Variants in MCC observed in about 807,000 individuals in gnomAD.
MCC encodes colorectal mutant cancer protein.
In MCC, 90 loss-of-function variants were observed where a neutral mutation model predicts 116.2. The observed-to-expected ratio is 0.77, with a 90% confidence interval of 0.65 to 0.92. MCC has a LOEUF of 0.92. Ranked by LOEUF, MCC falls within the 40% of genes least tolerant of loss-of-function variation. The pLI, the probability that MCC is intolerant of heterozygous loss-of-function variation, is 0.00. For synonymous variants in MCC, 578 were observed against 510.5 expected (o/e 1.13, Z -1.78); for missense variants, 1,516 against 1,312.2 (o/e 1.16, Z -2.40).
intron 15 of MCC, among the ~76,000 whole-genome samples, chr5:113,051,664 T>C (rs572135162): frequency 1.3e-5 from 2 of 152,162 alleles, no homozygotes; most frequent in Non-Finnish European, 2.9e-5. Context: ...GGCGAGGCTA[T>C]AGTGAGCCAT....
At chr5:113,333,675 TTCA>T (rs937410857) in intron 3 of MCC, among the ~76,000 whole-genome samples, 3 of 149,696 alleles carry the variant, frequency 2.0e-5, no homozygotes, top group Non-Finnish European at 4.4e-5. Flanking sequence ...TGTTTACAGC[TTCA>T]TCATTTGAAA....
chr5:113,162,743 C>T (rs1760559754), intron 3 of MCC, among the ~76,000 whole-genome samples: 1 of 152,110 alleles, frequency 6.6e-6, no homozygotes, highest in African/African-American at 2.4e-5. Flanking sequence ...AAGTGATTCT[C>T]CCACCTTAGC....
intron 3 of MCC, among the ~76,000 whole-genome samples, chr5:113,328,263 C>T (rs1033470919): frequency 3.3e-5 from 5 of 152,200 alleles, no homozygotes; most frequent in African/African-American, 9.7e-5. Flanking sequence ...CCTACATGTA[C>T]TAAACACTTA....
At chr5:113,050,798 G>A (rs2150221153) in intron 15 of MCC, among the ~76,000 whole-genome samples, 1 of 152,302 alleles carries the variant, frequency 6.6e-6, no homozygotes, top group Non-Finnish European at 1.5e-5. Flanking sequence ...CGGCAAGGAG[G>A]GCAGGTGCTG....
intron 17 of MCC, among the ~76,000 whole-genome samples, chr5:113,033,623 A>C (rs2150208874): frequency 6.6e-6 from 1 of 152,338 alleles, no homozygotes; most frequent in South Asian, 2.1e-4. Flanking sequence ...TACACGTTCC[A>C]TATGCACCTT....
intron 3 of MCC, among the ~76,000 whole-genome samples, chr5:113,280,050 C>A (rs1362581471): frequency 1.3e-5 from 2 of 152,214 alleles, no homozygotes; most frequent in Admixed American, 6.5e-5. Flanking sequence ...CCCAGGACTA[C>A]AACTTGCTTC....
In MCC at chr5:113,161,620, A is replaced by ATGTGTGTGTGTGTG. The variant is rs57962617; in HGVS notation, c.628-10212_628-10199dup. 9.5e-4 allele frequency among the ~76,000 whole-genome samples: 141 copies of ATGTGTGTGTGTGTG among 148,434 alleles called. 1 individual carries two copies. The highest frequency in any genetic ancestry group is 3.4e-3 in the African/African-American group (134 of 39,828). The stretch of plus-strand genomic sequence containing the variant: ...GGAAAGCAAATGGAGGTTTAGATTT[A>ATGTGTGTGTGTGTG]TGTGTGTGTGTGTGTGTGTGTGTGT... On this transcript the variant is annotated intron_variant, in intron 3 of 18. Transcript: ENST00000408903.
At chr5:113,039,490 T>C (rs1400642553) in intron 17 of MCC, among the ~76,000 whole-genome samples, 7 of 152,226 alleles carry the variant, frequency 4.6e-5, no homozygotes, top group African/African-American at 1.7e-4. Context: ...CATGGCTGTT[T>C]ACTGGAGGCA....
chr5:113,268,186 C>T (rs983578503), intron 3 of MCC, among the ~76,000 whole-genome samples: 3 of 152,154 alleles, frequency 2.0e-5, no homozygotes, highest in East Asian at 1.9e-4. Context: ...TAAAGACGTC[C>T]GAAACTCTTC....
At chr5:113,380,153 C>T (rs182106990) in intron 2 of MCC, among the ~76,000 whole-genome samples, 9 of 152,306 alleles carry the variant, frequency 5.9e-5, no homozygotes, top group Middle Eastern at 3.4e-3. Context: ...TGTGAAATGT[C>T]GAGGCTGACA....
intron 9 of MCC, 88 bp from the exon 10 acceptor site, chr5:113,084,278 T>A (rs1402807156): frequency 8.9e-6 from 9 of 1,011,002 alleles, no homozygotes; most frequent in Admixed American, 7.7e-5. Context: ...GGCTACTTTT[T>A]AGCCATGTCA....
chr5:113,043,938 A>C (rs969036684), intron 16 of MCC, among the ~76,000 whole-genome samples: 36 of 152,192 alleles, frequency 2.4e-4, no homozygotes, highest in African/African-American at 8.2e-4. Context: ...TAATCTCCAC[A>C]AATACTCTCT....
intron 14 of MCC, among the ~76,000 whole-genome samples, chr5:113,058,440 G>C (rs1341056322): frequency 1.3e-5 from 2 of 152,146 alleles, no homozygotes; most frequent in African/African-American, 2.4e-5. Flanking sequence ...TCTGGAGGTG[G>C]AGCCCAGCAA....
chr5:113,235,894 C>T (rs1002631505), intron 3 of MCC, among the ~76,000 whole-genome samples: 2 of 152,186 alleles, frequency 1.3e-5, no homozygotes, highest in African/African-American at 4.8e-5. Context: ...ATCTATTCTG[C>T]CTCCTTGACC....
intron 7 of MCC, among the ~76,000 whole-genome samples, chr5:113,102,332 C>T (rs1756472728): frequency 6.6e-6 from 1 of 152,214 alleles, no homozygotes; most frequent in African/African-American, 2.4e-5. Context: ...AATGTGAGGA[C>T]AAACATGAGG....
Position 113,151,436 on chromosome 5 carries a change from AAGG to A in MCC, c.628-17_628-15del, listed in dbSNP as rs752918909. The stretch of plus-strand genomic sequence containing the variant: ...TGCTGAATGGAGCTGTGGTGACAGA[AAGG>A]AGGAGATTAGAGTATTGTAGCAGAG... On this transcript the variant is annotated splice_polypyrimidine_tract_variant and intron_variant, in intron 3 of 18. Coordinates refer to ENST00000408903, the MANE Select transcript of MCC (RefSeq NM_001085377.2). 1.6e-5 allele frequency: 24 copies of A among 1,456,322 alleles called. No individual in the cohort carries two copies. The Admixed American group carries it at 4.1e-4, about 25-fold the overall frequency. The allele number at this position is 1,456,322 out of a possible 1,614,324, so 90.2% of individuals were successfully genotyped here. A position where few individuals can be genotyped will look rare whatever the true frequency, so the allele number is the denominator to read the frequency against.
chr5:113,081,581 G>A (rs532637401), intron 11 of MCC, among the ~76,000 whole-genome samples: 1 of 152,076 alleles, frequency 6.6e-6, no homozygotes, highest in African/African-American at 2.4e-5. Context: ...TCACTAAATC[G>A]AGGTCCCCCT....
Position 113,469,802 on chromosome 5 carries a change from A to T in MCC, c.170+18443T>A, listed in dbSNP as rs559995392. Among the ~76,000 whole-genome samples the T allele has an allele frequency of 2.7e-3, 407 of 152,170 alleles. 2 individuals are homozygous for T. The highest frequency in any genetic ancestry group is 9.3e-3 in the African/African-American group (388 of 41,512). On this transcript the variant is annotated intron_variant, in intron 1 of 18. Coordinates refer to ENST00000408903, the MANE Select transcript of MCC (RefSeq NM_001085377.2). ...TGGGGTGTTAAAGTCTCCCATTATT[A>T]TTGTGTGGGAGTCTAAGCCTCTTTG... is the stretch of plus-strand genomic sequence containing the variant.
chr5:113,316,993 A>T (rs987718363), intron 3 of MCC, among the ~76,000 whole-genome samples: 10 of 152,372 alleles, frequency 6.6e-5, no homozygotes, highest in Admixed American at 4.6e-4. Context: ...AACACTATGC[A>T]GGCTTCCTGA....
Sources: allele counts gnomAD v4.1 joint callset (sites outside exome capture counted in the v4.1 genomes callset), GRCh38; gene constraint gnomAD v4.1.1; transcripts MANE v1.5; gene names NCBI Gene and HGNC (gene_info 2026-07-23, HGNC 2026-07-21).